TMEM237: variants seen among roughly 807,000 people sequenced by gnomAD.
TMEM237 encodes amyotrophic lateral sclerosis 2 (juvenile) chromosome region, candidate 4.
In TMEM237, 51 loss-of-function variants were observed where a neutral mutation model predicts 59.1. The ratio of observed to expected loss-of-function variants is 0.86; its 90% CI spans 0.69 to 1.09. The LOEUF (loss-of-function observed/expected upper bound fraction) is 1.09, where lower values mean the gene tolerates loss of function less well. Among genes scored for constraint, TMEM237 ranks in the 50% least tolerant of loss-of-function variants. TMEM237 has a pLI of 0.00. For synonymous variants in TMEM237, 140 were observed against 166.1 expected, an observed-to-expected ratio of 0.84 and a Z score of 1.21; for missense variants, 475 against 478.3, an observed-to-expected ratio of 0.99 and a Z score of 0.06.
intron 4 of TMEM237, among the ~76,000 whole-genome samples, chr2:201,637,833 A>T (rs180731974): frequency 6.6e-6 from 1 of 152,314 alleles, no homozygotes; most frequent in Non-Finnish European, 1.5e-5. Flanking sequence ...AACTAAAATA[A>T]GCTACTTTTC....
At chr2:201,642,738 C>T (rs766187110) in intron 1 of TMEM237, 22 of 1,495,916 alleles carry the variant, frequency 1.5e-5, no homozygotes, top group Middle Eastern at 1.7e-4. Context: ...CGCCGCCTGG[C>T]TAGTACCCCG....
intron 3 of TMEM237, 77 bp downstream of exon 3, chr2:201,640,184 A>G: frequency 4.2e-6 from 5 of 1,192,970 alleles, no homozygotes; most frequent in Non-Finnish European, 5.8e-6. Flanking sequence ...ATTCAGACTC[A>G]GTTTTAAGAG....
rs757016591 is a variant in TMEM237, at chr2:201,642,562, C to T, written c.42+797G>A. On this transcript the variant is annotated intron_variant, in intron 1 of 12. Coordinates refer to ENST00000409883, the MANE Select transcript of TMEM237 (RefSeq NM_001044385.3). Reference sequence around the variant, plus strand: ...AATCCTCAAAAGTAGGACGGCTCAACTGAAGACAAAAATCCTAACAATTAA... The same window carrying T: ...AATCCTCAAAAGTAGGACGGCTCAATTGAAGACAAAAATCCTAACAATTAA... 3 of 1,595,378 alleles carry T rather than the reference C, an allele frequency of 1.9e-6. No individual in the cohort carries two copies. The South Asian group carries it at 3.4e-5, about 18-fold the overall frequency.
Position 201,640,994 on chromosome 2 carries a change from C to G in TMEM237, c.43-70G>C, listed in dbSNP as rs1328935795. The G allele has an allele frequency of 2.8e-6, 4 of 1,406,308 alleles. No homozygotes were observed. In the East Asian group the frequency reaches 9.7e-5, roughly 34 times the overall value. The allele number at this position is 1,406,308 out of a possible 1,614,324, so 87.1% of individuals were successfully genotyped here. On this transcript the variant is annotated intron_variant, in intron 1 of 12. Coordinates refer to ENST00000409883, the MANE Select transcript of TMEM237 (RefSeq NM_001044385.3). ...CATCTTTACTTCAAATACCATCACG[C>G]TATTTTTTTTTTTTTGAGATGGTGT... is the stretch of plus-strand genomic sequence containing the variant.
chr2:201,629,953 G>T, intron 7 of TMEM237, 101 bp from the exon 8 acceptor site: 1 of 1,434,256 alleles, frequency 7.0e-7, no homozygotes, highest in Non-Finnish European at 9.4e-7. Context: ...AACTAAGACT[G>T]AAATATTGCT....
chr2:201,643,339 A>G lies in TMEM237; in HGVS notation c.42+20T>C. ...GTTTACCCGCCACCTCTCGAGGCCGACGCGCCCCTCGCCGCTCACCAGGTG... is the reference window on the plus strand; with the variant it reads ...GTTTACCCGCCACCTCTCGAGGCCGGCGCGCCCCTCGCCGCTCACCAGGTG... On this transcript the variant is annotated intron_variant, in intron 1 of 12. Coordinates refer to ENST00000409883, the MANE Select transcript of TMEM237 (RefSeq NM_001044385.3). The surrounding 1 kb of genome is among the most constrained non-coding windows in gnomAD (Gnocchi z 4.3). The G allele has an allele frequency of 6.5e-7, 1 of 1,538,088 alleles. No individual in the cohort carries two copies. The highest frequency in any genetic ancestry group is 1.2e-5 in the South Asian group (1 of 83,554).
Position 201,632,203 on chromosome 2 carries a change from G to A in TMEM237, c.401C>T (p.Thr134Ile). 6.2e-7 allele frequency: 1 copy of A among 1,613,434 alleles called. No homozygotes were observed. The highest frequency in any genetic ancestry group is 8.5e-7 in the Non-Finnish European group (1 of 1,179,636). ...IQKPRRKTKK[T>I]QPAELQYANE... ...GGCATACTGTAATTCTGCTGGCTGG[G>A]TTTTCCTGTAATAAGGACGTATGTA... is the stretch of plus-strand genomic sequence containing the variant. The change falls in exon 7 of 13, where the codon ACC (threonine) becomes ATC (isoleucine). Residue 134 changes from threonine to isoleucine, a missense_variant. By Grantham distance (89) the Thr-to-Ile change is moderately conservative. Coordinates refer to ENST00000409883, the MANE Select transcript of TMEM237 (RefSeq NM_001044385.3).
Position 201,639,911 on chromosome 2 carries a change from C to T in TMEM237, c.79+350G>A, listed in dbSNP as rs11891206. ...GACTTTGTATTAATTAGAAATAACC[C>T]TGTGTGACACTAAGTCACTGAGATT... On this transcript the variant is annotated intron_variant, in intron 3 of 12. Coordinates refer to ENST00000409883, the MANE Select transcript of TMEM237 (RefSeq NM_001044385.3). Among the ~76,000 whole-genome samples the T allele has an allele frequency of 3.7e-3, 558 of 152,316 alleles. 8 individuals are homozygous for T. The highest frequency in any genetic ancestry group is 0.013 in the African/African-American group (528 of 41,580).
At chr2:201,640,124 T>G (rs764985699) in intron 3 of TMEM237, 137 bp downstream of exon 3, 4 of 666,050 alleles carry the variant, frequency 6.0e-6, no homozygotes, top group African/African-American at 1.9e-5. Flanking sequence ...TAAATGGTAG[T>G]CATGGGAGAT....
chr2:201,627,224 C>T, intron 11 of TMEM237, 97 bp downstream of exon 11: 1 of 827,432 alleles, frequency 1.2e-6, no homozygotes, highest in Non-Finnish European at 1.9e-6. Context: ...GAAACAAAAA[C>T]AGAGCCTTCA....
chr2:201,634,861 T>A (rs1390050622), intron 5 of TMEM237: 1 of 449,486 alleles, frequency 2.2e-6, no homozygotes, highest in South Asian at 1.7e-5. Flanking sequence ...TCTACTCCTA[T>A]AATTCTTCCA....
In TMEM237 at chr2:201,637,040, C is replaced by T. The variant is rs148130652; in HGVS notation, c.137-155G>A. Among the ~76,000 whole-genome samples the T allele has an allele frequency of 1.9e-3, 293 of 152,240 alleles. 1 individual carries two copies. The highest frequency in any genetic ancestry group is 6.5e-3 in the African/African-American group (271 of 41,546). ...CCCCAAATCTTTCCTTCCTCCTCAC[C>T]TGTAACTTTGGGCTTTAAGTTAGGA... On this transcript the variant is annotated intron_variant, in intron 4 of 12. Coordinates refer to ENST00000409883, the MANE Select transcript of TMEM237 (RefSeq NM_001044385.3).
intron 5 of TMEM237, 21 bp downstream of exon 5, chr2:201,636,727 A>AACCTTGGTTTCTT: frequency 6.4e-7 from 1 of 1,558,488 alleles, no homozygotes; most frequent in Non-Finnish European, 8.7e-7. Context: ...ATCACAACTT[A>AACCTTGGTTTCTT]ACCTTGGTTT....
intron 3 of TMEM237, 80 bp from the exon 4 acceptor site, chr2:201,639,125 C>T (rs1360527947): frequency 7.6e-7 from 1 of 1,321,906 alleles, no homozygotes; most frequent in Admixed American, 2.2e-5. Flanking sequence ...AACTTTTAAA[C>T]AGGGAAGAAT....
chr2:201,641,203 G>A (rs969642029), intron 1 of TMEM237, among the ~76,000 whole-genome samples: 10 of 152,100 alleles, frequency 6.6e-5, no homozygotes, highest in African/African-American at 2.4e-4. Context: ...TGTTGGCCAG[G>A]CTGGTCTTGA....
chr2:201,637,321 G>A (rs1687316278), intron 4 of TMEM237, among the ~76,000 whole-genome samples: 1 of 152,184 alleles, frequency 6.6e-6, no homozygotes, highest in African/African-American at 2.4e-5. Flanking sequence ...GATAATTGGA[G>A]TTAGCAGGTA....
chr2:201,628,273 G>A (rs2105898520), intron 9 of TMEM237, 124 bp from the exon 10 acceptor site: 2 of 607,494 alleles, frequency 3.3e-6, no homozygotes, highest in Middle Eastern at 4.5e-4. Context: ...TAGGTTTTAA[G>A]TAGCTACAGT....
rs202178175 is a variant in TMEM237, at chr2:201,629,206, C to G, written c.869+24G>C. ...AGCATTTCCTCCTGAAGAAGTTAGACAGATCTGGAGTCATAGGCATTACCT... is the reference window on the plus strand; with the variant it reads ...AGCATTTCCTCCTGAAGAAGTTAGAGAGATCTGGAGTCATAGGCATTACCT... On this transcript the variant is annotated intron_variant, in intron 9 of 12. Coordinates refer to ENST00000409883, the MANE Select transcript of TMEM237 (RefSeq NM_001044385.3). 4.1e-6 allele frequency: 6 copies of G among 1,469,478 alleles called. No homozygotes were observed. The East Asian group carries it at 1.4e-4, about 35-fold the overall frequency. 91.0% of individuals were successfully genotyped at this position (1,469,478 alleles called of 1,614,324 possible).
At chr2:201,642,765 G>A in intron 1 of TMEM237, 1 of 1,441,416 alleles carries the variant, frequency 6.9e-7, no homozygotes, top group Admixed American at 3.1e-5. Context: ...GCGCCCTGCG[G>A]GGATGTTGCG....
Sources: allele counts gnomAD v4.1 joint callset (sites outside exome capture counted in the v4.1 genomes callset), GRCh38; gene constraint gnomAD v4.1.1; non-coding constraint Gnocchi (gnomAD v3.1); transcripts MANE v1.5; gene names NCBI Gene and HGNC (gene_info 2026-07-23, HGNC 2026-07-21).